GABRG3: variants seen among roughly 807,000 people sequenced by gnomAD.
GABRG3 encodes gamma-aminobutyric acid type A receptor subunit gamma3.
A neutral mutation model predicts 48.8 loss-of-function variants in GABRG3; 25 were observed. That is an observed-to-expected ratio of 0.51 (90% CI 0.37 to 0.72). The LOEUF is 0.72. Among genes scored for constraint, GABRG3 ranks in the 30% least tolerant of loss-of-function variants. The probability of loss-of-function intolerance (pLI) is 0.00; values close to 1 mark genes in which losing one functional copy is unlikely to be tolerated. For missense variants in GABRG3, 394 were observed against 577.9 expected, an observed-to-expected ratio of 0.68 and a Z score of 3.26; for synonymous variants, 227 against 217.6, an observed-to-expected ratio of 1.04 and a Z score of -0.38.
intron 3 of GABRG3, among the ~76,000 whole-genome samples, chr15:27,170,692 A>G (rs575368275): frequency 4.6e-5 from 7 of 152,324 alleles, no homozygotes; most frequent in East Asian, 1.9e-4. Context: ...AGTGCTCTCA[A>G]TTATTTTGAG....
intron 3 of GABRG3, among the ~76,000 whole-genome samples, chr15:27,132,460 C>T (rs1897931752): frequency 7.8e-6 from 1 of 128,256 alleles, no homozygotes; most frequent in African/African-American, 2.8e-5. Flanking sequence ...TCAATCTTCC[C>T]AGTAGTTACA....
chr15:27,014,394 G>C (rs1472057772), intron 2 of GABRG3, among the ~76,000 whole-genome samples: 1 of 145,814 alleles, frequency 6.9e-6, no homozygotes, highest in Non-Finnish European at 1.5e-5. Context: ...TTGTTGATTT[G>C]AGGGTTTTCC....
chr15:27,086,702 C>CA (rs1346289309), intron 3 of GABRG3, among the ~76,000 whole-genome samples: 6 of 152,086 alleles, frequency 3.9e-5, no homozygotes, highest in Non-Finnish European at 8.8e-5. Flanking sequence ...GTAAAGCATG[C>CA]AAAAAACATT....
chr15:27,416,903 A>G (rs1887955687), intron 5 of GABRG3, among the ~76,000 whole-genome samples: 1 of 152,254 alleles, frequency 6.6e-6, no homozygotes. Flanking sequence ...CTAAGAATGT[A>G]TATAAATAAT....
intron 3 of GABRG3, among the ~76,000 whole-genome samples, chr15:27,227,714 ATT>A (rs895910254): frequency 1.3e-5 from 2 of 151,072 alleles, no homozygotes; most frequent in African/African-American, 4.9e-5. Context: ...AACCATGGCA[ATT>A]TTTTTTTATC....
intron 3 of GABRG3, among the ~76,000 whole-genome samples, chr15:27,249,237 C>T (rs1160473752): frequency 6.6e-6 from 1 of 152,100 alleles, no homozygotes; most frequent in Non-Finnish European, 1.5e-5. Flanking sequence ...TGCTCCTCCG[C>T]GTGGCCAGGA....
At chr15:27,455,386 T>C (rs1201564130) in intron 5 of GABRG3, among the ~76,000 whole-genome samples, 1 of 107,646 alleles carries the variant, frequency 9.3e-6, no homozygotes, top group Non-Finnish European at 2.0e-5. Flanking sequence ...GTATGGGGTG[T>C]ATGTGGTGTG....
At chr15:27,390,192 A>G (rs1896178751) in intron 5 of GABRG3, among the ~76,000 whole-genome samples, 1 of 152,222 alleles carries the variant, frequency 6.6e-6, no homozygotes, top group South Asian at 2.1e-4. Context: ...TAACACCTCA[A>G]ATTGATTTTG....
intron 2 of GABRG3, among the ~76,000 whole-genome samples, chr15:27,023,549 TGGA>T (rs1348076679): frequency 6.6e-6 from 1 of 152,234 alleles, no homozygotes; most frequent in Non-Finnish European, 1.5e-5. Context: ...CTTATATAAG[TGGA>T]ATCATAGTAT....
At chr15:27,237,865 A>G (rs1298324363) in intron 3 of GABRG3, among the ~76,000 whole-genome samples, 1 of 152,180 alleles carries the variant, frequency 6.6e-6, no homozygotes, top group Admixed American at 6.5e-5. Flanking sequence ...CCAAATTTAT[A>G]GGGTCTCTAT....
chr15:27,231,346 A>G (rs2124067), intron 3 of GABRG3, among the ~76,000 whole-genome samples: 27,827 of 152,178 alleles, frequency 0.18, 3,566 homozygotes, highest in East Asian at 0.41. Context: ...CTAAGTCACA[A>G]TAACATGGAT....
At position 27,053,019 on chromosome 15, in the gene GABRG3, G is replaced by A. The variant is rs575551030; in HGVS notation, c.270+26198G>A. Among the ~76,000 whole-genome samples the A allele has an allele frequency of 6.3e-4, 96 of 152,168 alleles. 1 individual carries two copies. In the South Asian group the frequency reaches 0.018, roughly 28 times the overall value. On this transcript the variant is annotated intron_variant, in intron 3 of 9. Transcript: ENST00000615808. ...CCATATACAAAAATTAACTCAAGGC[G>A]GATTAAAGGCTTAAATGTAAGACAT...
At chr15:27,202,160 C>T (rs561810862) in intron 3 of GABRG3, among the ~76,000 whole-genome samples, 56 of 152,300 alleles carry the variant, frequency 3.7e-4, no homozygotes, top group African/African-American at 1.3e-3. Context: ...CCCTTTCATA[C>T]ATTTCTCTAT....
At chr15:27,115,792 A>G (rs555876479) in intron 3 of GABRG3, among the ~76,000 whole-genome samples, 3 of 152,320 alleles carry the variant, frequency 2.0e-5, no homozygotes, top group African/African-American at 7.2e-5. Flanking sequence ...TAAAACTTTC[A>G]AAATTTTCAA....
chr15:27,082,774 C>T (rs566185109), intron 3 of GABRG3, among the ~76,000 whole-genome samples: 1 of 152,150 alleles, frequency 6.6e-6, no homozygotes, highest in Non-Finnish European at 1.5e-5. Flanking sequence ...CAATGAAAGC[C>T]GCAGTAGACC....
intron 3 of GABRG3, among the ~76,000 whole-genome samples, chr15:27,056,030 A>G (rs1896539302): frequency 6.6e-6 from 1 of 152,184 alleles, no homozygotes; most frequent in African/African-American, 2.4e-5. Context: ...CAGGAGGAGA[A>G]AAATCACAAA....
At chr15:27,410,845 C>CGTGTGTGTGTGT (rs61423614) in intron 5 of GABRG3, among the ~76,000 whole-genome samples, 2 of 143,728 alleles carry the variant, frequency 1.4e-5, no homozygotes, top group Middle Eastern at 3.5e-3. Context: ...TGCGCACGCT[C>CGTGTGTGTGTGT]GTGTGTGTGT....
At chr15:27,004,396 C>G (rs1038928081) in intron 2 of GABRG3, among the ~76,000 whole-genome samples, 1 of 151,384 alleles carries the variant, frequency 6.6e-6, no homozygotes, top group Admixed American at 6.6e-5. Flanking sequence ...TGATGGCGGC[C>G]GGGAAGAGGC....
Position 27,457,759 on chromosome 15 carries a change from A to C in GABRG3, c.575-22891A>C, listed in dbSNP as rs2150834041. Among the ~76,000 whole-genome samples, 1 of 152,270 alleles carries C rather than the reference A, an allele frequency of 6.6e-6. No individual in the cohort carries two copies. Among genetic ancestry groups the C allele is most frequent in the Non-Finnish European group, 1.5e-5 (1 of 68,024 alleles). Reference sequence around the variant, plus strand: ...CTGGCCAGTGGTATAACGAGTACCCACTGCTTTTTCTGCCTGTGTTTCACA... The same window carrying C: ...CTGGCCAGTGGTATAACGAGTACCCCCTGCTTTTTCTGCCTGTGTTTCACA... On this transcript the variant is annotated intron_variant, in intron 5 of 9. Coordinates refer to ENST00000615808, the MANE Select transcript of GABRG3 (RefSeq NM_033223.5). The surrounding 1 kb of genome is among the most constrained non-coding windows in gnomAD (Gnocchi z 4.4).
Sources: gnomAD v4.1 joint callset for allele counts (sites outside exome capture counted in the v4.1 genomes callset) on GRCh38, gnomAD v4.1.1 for gene constraint, Gnocchi (gnomAD v3.1) non-coding constraint, MANE v1.5 for transcripts, NCBI Gene and HGNC (gene_info 2026-07-23, HGNC 2026-07-21) for gene names.